IL17RE: variants seen among roughly 807,000 people sequenced by gnomAD.
IL17RE encodes the protein interleukin 17 receptor E.
A neutral mutation model predicts 70.7 loss-of-function variants in IL17RE; 47 were observed. The ratio of observed to expected loss-of-function variants is 0.67; its 90% CI spans 0.53 to 0.85. The LOEUF is 0.85. Among genes scored for constraint, IL17RE ranks in the 40% least tolerant of loss-of-function variants. The pLI is 0.00. For missense variants in IL17RE, 850 were observed against 893.9 expected (o/e 0.95, Z 0.63); for synonymous variants, 372 against 381.2 (o/e 0.98, Z 0.28).
intron 8 of IL17RE, 71 bp downstream of exon 8, chr3:9,909,354 T>TAC (rs142612801): frequency 0.011 from 11,711 of 1,102,060 alleles, 24 homozygotes; most frequent in African/African-American, 0.017. Flanking sequence ...CACACACATG[T>TAC]ACACACACAC....
In IL17RE at chr3:9,909,211, C is replaced by T; in HGVS notation, c.736-6C>T. 6.2e-7 allele frequency: 1 copy of T among 1,613,342 alleles called. No homozygotes were observed. The highest frequency in any genetic ancestry group is 8.5e-7 in the Non-Finnish European group (1 of 1,179,544). The stretch of plus-strand genomic sequence containing the variant: ...TGACCCTCCCCACCTGCTCCCGTCT[C>T]TCCAGGCATCCTACCTGCAAGAGGA... On this transcript the variant is annotated splice_region_variant and splice_polypyrimidine_tract_variant and intron_variant, in intron 7 of 15. Transcript: ENST00000383814.
At chr3:9,911,865 G>A (rs971576412) in intron 12 of IL17RE, 5 of 327,060 alleles carry the variant, frequency 1.5e-5, no homozygotes, top group South Asian at 5.1e-5. Context: ...GCAGTGGCGC[G>A]ATCTCGGCTC....
chr3:9,906,803 C>T lies in IL17RE; in HGVS notation c.464C>T (p.Thr155Ile). 6.2e-7 allele frequency: 1 copy of T among 1,614,182 alleles called. No homozygotes were observed. Among genetic ancestry groups the T allele is most frequent in the South Asian group, 1.1e-5 (1 of 91,082 alleles). Residue 155 changes from threonine (T) to isoleucine (I), a missense_variant, in exon 5 of 16, where the codon ACC becomes ATC. Coordinates refer to ENST00000383814, the MANE Select transcript of IL17RE (RefSeq NM_153480.2). ...ISHKGLRSKR[T>I]QPSDPETWES... ...CACAAGGGACTTCGCTCTAAAAGGA[C>T]CCAACCTTCGGATCCAGAGACATGG...
Position 9,915,347 on chromosome 3 carries a change from C to T in IL17RE, c.1544C>T (p.Ala515Val). Residue 515 changes from alanine to valine, a missense_variant, in exon 16 of 16, where the codon GCG (alanine) becomes GTG (valine). Coordinates refer to ENST00000383814, the MANE Select transcript of IL17RE (RefSeq NM_153480.2). This position sits in a 1 kb window ranked among gnomAD's most constrained non-coding sequence, Gnocchi z 4.9. ...GCGCTGGCTGAACTGCTACGGGCAG[C>T]GCTGGGCGGCGGGCGCGACGTGATC... is the stretch of plus-strand genomic sequence containing the variant. ...VGALAELLRAALGGGRDVIVD... is the reference protein window; with the variant it reads ...VGALAELLRAVLGGGRDVIVD... 7.3e-7 allele frequency: 1 copy of T among 1,371,326 alleles called. No homozygotes were observed. Among genetic ancestry groups the T allele is most frequent in the African/African-American group, 1.5e-5 (1 of 65,602 alleles). 84.9% of individuals were successfully genotyped at this position (1,371,326 alleles called of 1,614,324 possible).
intron 1 of IL17RE, 93 bp downstream of exon 1, chr3:9,903,157 G>A (rs1273810140): frequency 8.2e-7 from 1 of 1,213,934 alleles, no homozygotes. Context: ...CGCAGTCCCT[G>A]TGCTCTGGTG....
In IL17RE at chr3:9,907,032, G is replaced by A; in HGVS notation, c.598G>A (p.Val200Ile). 6.2e-7 allele frequency: 1 copy of A among 1,614,178 alleles called. No individual in the cohort carries two copies. Among genetic ancestry groups the A allele is most frequent in the Non-Finnish European group, 8.5e-7 (1 of 1,180,042 alleles). The change falls in exon 6 of 16, where the codon GTC becomes ATC. Residue 200 changes from valine to isoleucine, a missense_variant. Val to Ile is a conservative substitution (Grantham distance 29). Coordinates refer to ENST00000383814, the MANE Select transcript of IL17RE (RefSeq NM_153480.2). ...IRVTISSGPE[V>I]SVRLCHQWAL... The stretch of plus-strand genomic sequence containing the variant: ...GGTGACCATATCTTCAGGCCCTGAG[G>A]TCAGCGTGCGTCTTTGTCACCAGTG...
At chr3:9,903,281 G>A in intron 1 of IL17RE, 116 bp from the exon 2 acceptor site, 1 of 1,218,088 alleles carries the variant, frequency 8.2e-7, no homozygotes, top group Non-Finnish European at 1.2e-6. Flanking sequence ...TGGGCTATTA[G>A]CTATGGGGCT....
intron 11 of IL17RE, 68 bp downstream of exon 11, chr3:9,911,368 C>A: frequency 6.2e-7 from 1 of 1,612,982 alleles, no homozygotes; most frequent in Non-Finnish European, 8.5e-7. Context: ...TGTAACCAAG[C>A]TAAACCCCAG....
At chr3:9,910,809 CAAGG>C in intron 8 of IL17RE, 52 bp from the exon 9 acceptor site, 1 of 1,533,742 alleles carries the variant, frequency 6.5e-7, no homozygotes, top group Non-Finnish European at 8.9e-7. Flanking sequence ...ATGTGGGTGG[CAAGG>C]TGGGGCTGAA....
In IL17RE at chr3:9,915,345, A is replaced by G; in HGVS notation, c.1542A>G (p.Ala514=). 1 of 1,373,484 alleles carries G rather than the reference A, an allele frequency of 7.3e-7. No homozygotes were observed. The highest frequency in any genetic ancestry group is 9.3e-7 in the Non-Finnish European group (1 of 1,072,864). 85.1% of individuals were successfully genotyped at this position (1,373,484 alleles called of 1,614,324 possible). A position where few individuals can be genotyped will look rare whatever the true frequency, so the allele number is the denominator to read the frequency against. ...GAGCGCTGGCTGAACTGCTACGGGC[A>G]GCGCTGGGCGGCGGGCGCGACGTGA... The part of the protein sequence containing the change: ...LVGALAELLR[A]ALGGGRDVIV... Residue 514 remains alanine, a synonymous_variant, in exon 16 of 16, where the codon GCA becomes GCG. Coordinates refer to ENST00000383814, the MANE Select transcript of IL17RE (RefSeq NM_153480.2). This position sits in a 1 kb window ranked among gnomAD's most constrained non-coding sequence, Gnocchi z 4.9.
Position 9,913,854 on chromosome 3 carries a change from T to C in IL17RE, c.1228-102T>C, listed in dbSNP as rs569325465. The C allele has an allele frequency of 8.8e-6, 8 of 905,070 alleles. No individual in the cohort carries two copies. The African/African-American group carries it at 9.7e-5, about 11-fold the overall frequency. 56.1% of individuals were successfully genotyped at this position (905,070 alleles called of 1,614,324 possible). On this transcript the variant is annotated intron_variant, in intron 12 of 15. Transcript: ENST00000383814. ...GGCACTTGGCCTAAGCCTCGTAGGA[T>C]TGGGGGTGTGGTGGGGAGGAACAGC...
At chr3:9,914,512 C>G (rs2082965976) in intron 13 of IL17RE, 36 bp from the exon 14 acceptor site, 1 of 1,612,018 alleles carries the variant, frequency 6.2e-7, no homozygotes, top group Non-Finnish European at 8.5e-7. Flanking sequence ...GGAGAAGATG[C>G]CTGGCTCATA....
Position 9,910,872 on chromosome 3 carries a change from G to A in IL17RE, c.810G>A (p.Ser270=), listed in dbSNP as rs751271162. ...PFQSWPEAYG[S]DFWKSVHFTD... ...ACCCTGCCACCTGCCCAGATGGCTC[G>A]GACTTCTGGAAGTCAGTGCACTTCA... Residue 270 remains serine, a synonymous_variant, in exon 9 of 16, where the codon TCG becomes TCA. Transcript: ENST00000383814. 39 of 1,613,504 alleles carry A rather than the reference G, an allele frequency of 2.4e-5. No individual in the cohort carries two copies. The highest frequency in any genetic ancestry group is 6.7e-5 in the Admixed American group (4 of 59,976).
chr3:9,906,314 A>C, intron 3 of IL17RE, 50 bp from the exon 4 acceptor site: 1 of 1,030,194 alleles, frequency 9.7e-7, no homozygotes, highest in Non-Finnish European at 1.5e-6. Context: ...ATCTCCAGGC[A>C]GGGGAGGGGG....
intron 12 of IL17RE, among the ~76,000 whole-genome samples, chr3:9,913,661 T>C (rs1358865575): frequency 6.6e-6 from 1 of 152,236 alleles, no homozygotes; most frequent in Non-Finnish European, 1.5e-5. Context: ...GTTTGTGAGC[T>C]GCTAGAGGAC....
At chr3:9,902,550 G>C, upstream of IL17RE, 2 of 1,374,106 alleles carry the variant, frequency 1.5e-6, no homozygotes, top group South Asian at 2.5e-5. Flanking sequence ...GGAGACACAA[G>C]TTCCAGAGTG....
Position 9,914,536 on chromosome 3 carries a change from C to T in IL17RE, c.1297-12C>T. On this transcript the variant is annotated splice_polypyrimidine_tract_variant and intron_variant, in intron 13 of 15. Coordinates refer to ENST00000383814, the MANE Select transcript of IL17RE (RefSeq NM_153480.2). ...GCCTGGCTCATAGGGGTGGGGGGCT[C>T]TGTGCCCTCAGGTGTGGCGGTCAGA... 1 of 1,613,790 alleles carries T rather than the reference C, an allele frequency of 6.2e-7. No individual in the cohort carries two copies. Among genetic ancestry groups the T allele is most frequent in the Non-Finnish European group, 8.5e-7 (1 of 1,179,860 alleles).
rs1172166731 is a variant in IL17RE, at chr3:9,915,968, G to A, written c.*161G>A. 7 of 1,251,720 alleles carry A rather than the reference G, an allele frequency of 5.6e-6. No homozygotes were observed. 77.5% of individuals were successfully genotyped at this position (1,251,720 alleles called of 1,614,324 possible). A position where few individuals can be genotyped will look rare whatever the true frequency, so the allele number is the denominator to read the frequency against. ...CTCACAGGCCGGAAGTCCCAGCCCA[G>A]TCCCCGCGCGCGTCCCTCTTCCTCC... On this transcript the variant is annotated 3_prime_UTR_variant, in exon 16 of 16. Coordinates refer to ENST00000383814, the MANE Select transcript of IL17RE (RefSeq NM_153480.2). The surrounding 1 kb of genome is among the most constrained non-coding windows in gnomAD (Gnocchi z 4.9).
chr3:9,903,506 C>G lies in IL17RE; in HGVS notation c.148+94C>G, dbSNP rs1469903965. ...TCCATTCTAATTTTCAGTTCCCAACCCGGGAAGTAGCACAATATCAAGGAA... is the reference window on the plus strand; with the variant it reads ...TCCATTCTAATTTTCAGTTCCCAACGCGGGAAGTAGCACAATATCAAGGAA... On this transcript the variant is annotated intron_variant, in intron 2 of 15. Transcript: ENST00000383814. 2.2e-6 allele frequency: 3 copies of G among 1,384,180 alleles called. No homozygotes were observed. The South Asian group carries it at 3.5e-5, about 16-fold the overall frequency. 85.7% of individuals were successfully genotyped at this position (1,384,180 alleles called of 1,614,324 possible).
Sources: gnomAD v4.1 joint callset for allele counts (sites outside exome capture counted in the v4.1 genomes callset) on GRCh38, gnomAD v4.1.1 for gene constraint, Gnocchi (gnomAD v3.1) non-coding constraint, MANE v1.5 for transcripts, NCBI Gene and HGNC (gene_info 2026-07-23, HGNC 2026-07-21) for gene names.